The following FHIP2A variants were observed in gnomAD, a reference collection of about 807,000 sequenced individuals.
The protein encoded by FHIP2A is FHF complex subunit HOOK interacting protein 2A, also known as family with sequence similarity 160 member B1.
In FHIP2A, 46 loss-of-function variants were observed where a neutral mutation model predicts 93.5. The ratio of observed to expected loss-of-function variants is 0.49; its 90% CI spans 0.39 to 0.63. The LOEUF (loss-of-function observed/expected upper bound fraction) is 0.63. FHIP2A is among the 20% of genes least tolerant of loss of function. The probability of loss-of-function intolerance (pLI) is 0.00; values close to 1 mark genes in which losing one functional copy is unlikely to be tolerated. For missense variants in FHIP2A, 769 were observed against 909.7 expected (o/e 0.85, Z 1.99); for synonymous variants, 332 against 326.5 (o/e 1.02, Z -0.18).
chr10:114,841,872 C>T (rs919622597), intron 5 of FHIP2A, among the ~76,000 whole-genome samples: 1 of 152,088 alleles, frequency 6.6e-6, no homozygotes, highest in South Asian at 2.1e-4. Flanking sequence ...GATTTCTGCT[C>T]TTATGTTCAA....
intron 14 of FHIP2A, among the ~76,000 whole-genome samples, chr10:114,860,318 G>A (rs764029687): frequency 1.3e-5 from 2 of 152,162 alleles, no homozygotes; most frequent in African/African-American, 2.4e-5. Context: ...TTGCAGAAGA[G>A]CATGCGCAGC....
At chr10:114,897,087 T>A (rs1414160665) in intron 16 of FHIP2A, among the ~76,000 whole-genome samples, 1 of 152,250 alleles carries the variant, frequency 6.6e-6, no homozygotes, top group Non-Finnish European at 1.5e-5. Flanking sequence ...CAATTTAGCC[T>A]TAATATTTGC....
At chr10:114,891,246 A>G (rs2083972417) in intron 16 of FHIP2A, among the ~76,000 whole-genome samples, 1 of 150,130 alleles carries the variant, frequency 6.7e-6, no homozygotes, top group Non-Finnish European at 1.5e-5. Flanking sequence ...ATATATGCAT[A>G]TAGAAGTGTT....
chr10:114,888,787 G>C (rs1422368447), intron 16 of FHIP2A, among the ~76,000 whole-genome samples: 1 of 152,060 alleles, frequency 6.6e-6, no homozygotes, highest in Admixed American at 6.5e-5. Context: ...ATTTTTAGTA[G>C]AGATGGGGTT....
intron 12 of FHIP2A, among the ~76,000 whole-genome samples, chr10:114,847,609 GA>G (rs1260164340): frequency 6.6e-6 from 1 of 152,100 alleles, no homozygotes; most frequent in African/African-American, 2.4e-5. Flanking sequence ...TTATGAACTT[GA>G]TCTTCTTTAA....
At chr10:114,897,104 A>G (rs1007805957) in intron 16 of FHIP2A, among the ~76,000 whole-genome samples, 1 of 152,386 alleles carries the variant, frequency 6.6e-6, no homozygotes, top group Non-Finnish European at 1.5e-5. Context: ...TTGCCCTGGC[A>G]TGCTTATACT....
At chr10:114,844,938 C>T (rs2083691277) in intron 7 of FHIP2A, among the ~76,000 whole-genome samples, 2 of 149,662 alleles carry the variant, frequency 1.3e-5, no homozygotes, top group South Asian at 2.1e-4. Context: ...GCATGAGCCA[C>T]CATGCCCAGC....
In FHIP2A at chr10:114,897,366, T is replaced by G. The variant is rs541318598; in HGVS notation, c.2193-2124T>G. Among the ~76,000 whole-genome samples the G allele has an allele frequency of 2.6e-5, 4 of 152,340 alleles. No homozygotes were observed. The South Asian group carries it at 8.3e-4, about 32-fold the overall frequency. On this transcript the variant is annotated intron_variant, in intron 16 of 16. Transcript: ENST00000369250. ...AAATGACCCTTTATTCGGTGTACTT[T>G]CGTGGCAAAACTGCTGGCAAGTGTA...
chr10:114,876,689 C>G (rs973166596), intron 16 of FHIP2A, among the ~76,000 whole-genome samples: 2 of 152,100 alleles, frequency 1.3e-5, no homozygotes, highest in African/African-American at 4.8e-5. Flanking sequence ...GATGGACTCT[C>G]AAGCATTATT....
At chr10:114,845,687 A>G (rs1222655107) in intron 8 of FHIP2A, among the ~76,000 whole-genome samples, 1 of 152,216 alleles carries the variant, frequency 6.6e-6, no homozygotes, top group Non-Finnish European at 1.5e-5. Flanking sequence ...CTGCCCTTTT[A>G]TATTTCCTTA....
At chr10:114,843,312 AT>A (rs965975890) in intron 6 of FHIP2A, 86 bp downstream of exon 6, 14,686 of 787,556 alleles carry the variant, frequency 0.019, no homozygotes, top group East Asian at 0.021. Flanking sequence ...TTTTTAATTT[AT>A]TTTTTTTTTT....
At chr10:114,828,219 C>CAGG (rs2083588617) in intron 1 of FHIP2A, among the ~76,000 whole-genome samples, 1 of 152,084 alleles carries the variant, frequency 6.6e-6, no homozygotes, top group South Asian at 2.1e-4. Context: ...AATCTAACTC[C>CAGG]TGGAGGGAGG....
intron 13 of FHIP2A, among the ~76,000 whole-genome samples, chr10:114,853,565 ATTC>A (rs1343957606): frequency 4.5e-4 from 68 of 152,362 alleles, no homozygotes; most frequent in African/African-American, 1.6e-3. Context: ...AACTGCTTTT[ATTC>A]TTTCTGTAAA....
chr10:114,883,899 T>C (rs1342508891), intron 16 of FHIP2A, among the ~76,000 whole-genome samples: 4 of 152,080 alleles, frequency 2.6e-5, no homozygotes. Context: ...GAGATTTTCT[T>C]AAACTGCAGG....
chr10:114,844,682 T>A (rs549367142), intron 7 of FHIP2A, among the ~76,000 whole-genome samples: 4 of 152,290 alleles, frequency 2.6e-5, no homozygotes, highest in Non-Finnish European at 5.9e-5. Flanking sequence ...TCCCAGCAGC[T>A]GAGAACCTCC....
chr10:114,823,589 G>T (rs1182513419), intron 1 of FHIP2A, among the ~76,000 whole-genome samples: 1 of 151,834 alleles, frequency 6.6e-6, no homozygotes, highest in East Asian at 1.9e-4. Flanking sequence ...CCGCCTCCCG[G>T]ATTCAAGCGA....
chr10:114,855,453 C>A, intron 14 of FHIP2A, 113 bp downstream of exon 14: 1 of 917,126 alleles, frequency 1.1e-6, no homozygotes. Context: ...CTTACTTTTT[C>A]CACTGGATGA....
At position 114,846,722 on chromosome 10, in the gene FHIP2A, G is replaced by A; in HGVS notation, c.1562G>A (p.Gly521Glu). The A allele has an allele frequency of 6.3e-7, 1 of 1,595,268 alleles. No individual in the cohort carries two copies. Among genetic ancestry groups the A allele is most frequent in the Non-Finnish European group, 8.5e-7 (1 of 1,174,412 alleles). The change falls in exon 11 of 17, where the codon GGA becomes GAA. Residue 521 changes from glycine to glutamate, a missense_variant. Transcript: ENST00000369248. ...KDVVENGLIAGAVDLEEDPLF... is the reference protein window; with the variant it reads ...KDVVENGLIAEAVDLEEDPLF... ...GTGGTAGAAAATGGATTGATAGCAG[G>A]AGCAGTGTAAGTTTCCATCCAACTC... is the stretch of plus-strand genomic sequence containing the variant.
rs376773004 is a variant in FHIP2A at position 114,881,184 on chromosome 10, T to G, written c.2193-18306T>G. ...GGCCTGAAAATTTATCTCTTCGCAG[T>G]GAGCGGAAATATTTTCCTTAGCTGG... On this transcript the variant is annotated intron_variant, in intron 16 of 16. Transcript: ENST00000369250. Among the ~76,000 whole-genome samples the G allele has an allele frequency of 1.6e-4, 24 of 152,324 alleles. No individual in the cohort carries two copies. In the South Asian group the frequency reaches 4.8e-3, roughly 30 times the overall value.
Sources: gnomAD v4.1 joint callset for allele counts (sites outside exome capture counted in the v4.1 genomes callset) on GRCh38, gnomAD v4.1.1 for gene constraint, MANE v1.5 for transcripts, NCBI Gene and HGNC (gene_info 2026-07-23, HGNC 2026-07-21) for gene names.